Variants in SOX5 observed in about 807,000 individuals in gnomAD.
SOX5 encodes the protein transcription factor SOX-5.
In SOX5, 9 loss-of-function variants were observed where a neutral mutation model predicts 92.0. That is an observed-to-expected ratio of 0.10 (90% CI 0.06 to 0.17). SOX5 has a LOEUF of 0.17. Ranked by LOEUF, SOX5 falls within the 10% of genes least tolerant of loss-of-function variation. The pLI, the probability that SOX5 is intolerant of heterozygous loss-of-function variation, is 1.00. For synonymous variants in SOX5, 344 were observed against 336.3 expected (o/e 1.02, Z -0.25); for missense variants, 642 against 944.5 (o/e 0.68, Z 4.20).
intron 2 of SOX5, among the ~76,000 whole-genome samples, chr12:24,300,440 G>A (rs1947818550): frequency 6.6e-6 from 1 of 152,170 alleles, no homozygotes; most frequent in African/African-American, 2.4e-5. Flanking sequence ...CAAGAGAGAT[G>A]TGTGAGCTAT....
intron 13 of SOX5, among the ~76,000 whole-genome samples, chr12:23,542,610 T>C (rs931271505): frequency 2.0e-5 from 3 of 152,224 alleles, no homozygotes; most frequent in Admixed American, 6.5e-5. Context: ...GAAAAGTATT[T>C]AGTATGACTA....
At chr12:24,263,550 A>AAAAAAAAAAAAAAAAAAT (rs1942557092) in intron 3 of SOX5, among the ~76,000 whole-genome samples, 1 of 145,682 alleles carries the variant, frequency 6.9e-6, no homozygotes, top group Non-Finnish European at 1.5e-5. Context: ...ACAAAAAAAA[A>AAAAAAAAAAAAAAAAAAT]AACAAAAACA....
chr12:24,396,836 T>C (rs1960145826), intron 1 of SOX5, among the ~76,000 whole-genome samples: 2 of 152,236 alleles, frequency 1.3e-5, no homozygotes, highest in African/African-American at 4.8e-5. Context: ...ACTGCAAAAA[T>C]GCAAAATGTG....
intron 4 of SOX5, among the ~76,000 whole-genome samples, chr12:24,136,944 A>G (rs1950159422): frequency 6.6e-6 from 1 of 152,206 alleles, no homozygotes; most frequent in Admixed American, 6.5e-5. Flanking sequence ...ATTCTTTTAG[A>G]CCTGTTCTCA....
intron 4 of SOX5, among the ~76,000 whole-genome samples, chr12:24,195,620 T>C (rs543126670): frequency 1.3e-5 from 2 of 152,308 alleles, no homozygotes; most frequent in South Asian, 4.1e-4. Context: ...AGAGGAAGTA[T>C]TGGACCTATG....
chr12:24,007,089 C>T (rs1486849951), intron 4 of SOX5, among the ~76,000 whole-genome samples: 4 of 145,200 alleles, frequency 2.8e-5, no homozygotes, highest in Non-Finnish European at 4.5e-5. Flanking sequence ...GCTGAGCTCC[C>T]GCCATTGCAC....
intron 4 of SOX5, among the ~76,000 whole-genome samples, chr12:24,092,620 TGCATCTTC>T (rs1569539895): frequency 1.3e-5 from 2 of 152,196 alleles, no homozygotes; most frequent in African/African-American, 2.4e-5. Context: ...CTAATACTGA[TGCATCTTC>T]AACCAGCCCT....
chr12:24,534,037 T>TA (rs1951421089), intron 1 of SOX5, among the ~76,000 whole-genome samples: 1 of 152,174 alleles, frequency 6.6e-6, no homozygotes, highest in East Asian at 1.9e-4. Context: ...CCAATCATTA[T>TA]AAAAAAAGAT....
At chr12:24,392,164 C>T (rs894742547) in intron 1 of SOX5, among the ~76,000 whole-genome samples, 16 of 152,188 alleles carry the variant, frequency 1.1e-4, no homozygotes, top group Admixed American at 9.2e-4. Flanking sequence ...CACTCTAGTG[C>T]AAGCTTAAAG....
intron 1 of SOX5, among the ~76,000 whole-genome samples, chr12:24,408,335 A>ATAAT (rs1310342837): frequency 6.6e-6 from 1 of 152,210 alleles, no homozygotes; most frequent in Non-Finnish European, 1.5e-5. Context: ...TTAATTTAAA[A>ATAAT]TAATTGTAGA....
chr12:23,765,615 T>C (rs2094701534), intron 3 of SOX5, among the ~76,000 whole-genome samples: 3 of 152,038 alleles, frequency 2.0e-5, no homozygotes, highest in Admixed American at 1.3e-4. Flanking sequence ...AAATTAGTTA[T>C]GTATAATCTT....
intron 11 of SOX5, among the ~76,000 whole-genome samples, chr12:23,561,508 C>G (rs564777464): frequency 2.6e-5 from 4 of 152,232 alleles, no homozygotes; most frequent in African/African-American, 7.2e-5. Flanking sequence ...ATTTTATGTA[C>G]TTCCATTGCC....
In SOX5 at chr12:24,333,411, G is replaced by T. The variant is rs2141002620; in HGVS notation, c.-174+35152C>A. ...TAGACCAAGCTCATGTATGAATACA[G>T]ATGGCAAAAGCCTAAACAAAATGCA... On this transcript the variant is annotated intron_variant, in intron 2 of 4. Transcript: ENST00000446891. 2.0e-5 allele frequency among the ~76,000 whole-genome samples: 3 copies of T among 152,164 alleles called. No homozygotes were observed. In the Middle Eastern group the frequency reaches 0.01, roughly 518 times the overall value.
At chr12:23,704,715 T>TATATATATATATATATATAC (rs1434949526) in intron 6 of SOX5, among the ~76,000 whole-genome samples, 2 of 108,384 alleles carry the variant, frequency 1.8e-5, no homozygotes, top group African/African-American at 6.4e-5. Flanking sequence ...TATATATATA[T>TATATATATATATATATATAC]ACACACACAC....
rs34975795 is a variant in SOX5, at chr12:23,674,336, A to ATTTTTTTTTTTTTTTTTTTT, written c.811-8773_811-8772insAAAAAAAAAAAAAAAAAAAA. Among the ~76,000 whole-genome samples the ATTTTTTTTTTTTTTTTTTTT allele has an allele frequency of 1.9e-3, 182 of 97,376 alleles. 21 individuals carry two copies. Among genetic ancestry groups the ATTTTTTTTTTTTTTTTTTTT allele is most frequent in the Admixed American group, 3.2e-3 (21 of 6,518 alleles). 63.9% of individuals were successfully genotyped at this position (97,376 alleles called of 152,430 possible). On this transcript the variant is annotated intron_variant, in intron 6 of 14. Transcript: ENST00000451604. ...AAATATTTTCTTACCATAAAAAGGA[A>ATTTTTTTTTTTTTTTTTTTT]TTTTTTTTTTTTTTTTTTGAGACGG...
At chr12:24,295,243 TTACTAA>T (rs1467064476) in intron 2 of SOX5, among the ~76,000 whole-genome samples, 2 of 152,162 alleles carry the variant, frequency 1.3e-5, no homozygotes, top group Non-Finnish European at 2.9e-5. Flanking sequence ...CATTTTTTCC[TTACTAA>T]TACTTTCTAG....
At chr12:23,833,163 G>A (rs943676483) in intron 3 of SOX5, among the ~76,000 whole-genome samples, 1 of 151,938 alleles carries the variant, frequency 6.6e-6, no homozygotes, top group African/African-American at 2.4e-5. Flanking sequence ...CATGAATCCT[G>A]AGTCTGGAAA....
intron 1 of SOX5, among the ~76,000 whole-genome samples, chr12:24,493,342 G>A (rs1947283958): frequency 6.6e-6 from 1 of 151,792 alleles, no homozygotes; most frequent in Non-Finnish European, 1.5e-5. Context: ...AATGTAATGT[G>A]GTATCATGAA....
intron 1 of SOX5, among the ~76,000 whole-genome samples, chr12:23,914,769 T>A (rs1024404744): frequency 1.3e-5 from 2 of 152,160 alleles, no homozygotes; most frequent in African/African-American, 2.4e-5. Flanking sequence ...TTTTTTATTA[T>A]AATAAGTAAT....
Sources: gnomAD v4.1 joint callset for allele counts (sites outside exome capture counted in the v4.1 genomes callset) on GRCh38, gnomAD v4.1.1 for gene constraint, MANE v1.5 for transcripts, NCBI Gene and HGNC (gene_info 2026-07-23, HGNC 2026-07-21) for gene names.